GNB1L: variants seen among roughly 807,000 people sequenced by gnomAD.
The protein encoded by GNB1L is G protein subunit beta 1 like, also known as guanine nucleotide-binding protein subunit beta-like protein 1.
GNB1L carries 20 observed loss-of-function variants against 29.1 expected under a neutral mutation model. The ratio of observed to expected loss-of-function variants is 0.69; its 90% CI spans 0.48 to 1.00. GNB1L has a LOEUF of 1.00. Among genes scored for constraint, GNB1L ranks in the 50% least tolerant of loss-of-function variants. GNB1L has a pLI of 0.00. For synonymous variants in GNB1L, 193 were observed against 206.5 expected, an observed-to-expected ratio of 0.93 and a Z score of 0.56; for missense variants, 421 against 464.9, an observed-to-expected ratio of 0.91 and a Z score of 0.87.
intron 2 of GNB1L, chr22:19,850,096 TG>T: frequency 1.0e-6 from 1 of 985,698 alleles, no homozygotes; most frequent in Non-Finnish European, 1.2e-6. Flanking sequence ...CCAGCTTCTT[TG>T]ATCAGACCCT....
At chr22:19,794,155 A>G (rs865905937) in intron 7 of GNB1L, among the ~76,000 whole-genome samples, 13 of 152,090 alleles carry the variant, frequency 8.5e-5, no homozygotes, top group African/African-American at 2.9e-4. Flanking sequence ...TGTAGTCCCA[A>G]CTACTTGGGA....
chr22:19,814,859 T>C (rs936634698), intron 4 of GNB1L, among the ~76,000 whole-genome samples: 2 of 151,992 alleles, frequency 1.3e-5, no homozygotes, highest in Non-Finnish European at 2.9e-5. Flanking sequence ...ATAGTGAGAC[T>C]CCATCTCTAC....
In GNB1L at chr22:19,784,565, G is replaced by A. The variant is rs992934106; in HGVS notation, c.*4144C>T. 6.6e-6 allele frequency: 1 copy of A among 152,514 alleles called. No homozygotes were observed. The highest frequency in any genetic ancestry group is 1.5e-5 in the Non-Finnish European group (1 of 68,254). The allele number at this position is 152,514 out of a possible 1,614,324, so 9.4% of individuals were successfully genotyped here. A position where few individuals can be genotyped will look rare whatever the true frequency, so the allele number is the denominator to read the frequency against. Reference sequence around the variant, plus strand: ...GGACCCTGTTGGCGGCGCAACGCTGGGTGAGTGCTGCCCGCCCGCGGATGG... The same window carrying A: ...GGACCCTGTTGGCGGCGCAACGCTGAGTGAGTGCTGCCCGCCCGCGGATGG... On this transcript the variant is annotated 3_prime_UTR_variant, in exon 8 of 8. Coordinates refer to ENST00000329517, the MANE Select transcript of GNB1L (RefSeq NM_053004.3).
intron 2 of GNB1L, among the ~76,000 whole-genome samples, chr22:19,830,688 T>C (rs1419516651): frequency 6.6e-6 from 1 of 152,156 alleles, no homozygotes; most frequent in African/African-American, 2.4e-5. Context: ...GTTAGAGAAG[T>C]TGATATTAAC....
chr22:19,842,938 C>T lies in GNB1L; in HGVS notation c.-21+11505G>A, dbSNP rs527964013. ...GTCCTGAGCACGGGAAACAGGTCTA[C>T]CAGCACTAACTCAAACTTCACAAAG... On this transcript the variant is annotated intron_variant, in intron 2 of 7. Coordinates refer to ENST00000329517, the MANE Select transcript of GNB1L (RefSeq NM_053004.3). Among the ~76,000 whole-genome samples, 34 of 152,358 alleles carry T rather than the reference C, an allele frequency of 2.2e-4. No individual in the cohort carries two copies. The South Asian group carries it at 6.0e-3, about 27-fold the overall frequency.
Position 19,788,688 on chromosome 22 carries a change from C to G in GNB1L, c.*21G>C, listed in dbSNP as rs1184404214. ...ACCTCCCTGCCCGCCCTCCTCGTCTCCCGGGAAGGGAGTGGGTGAGTCATG... is the reference window on the plus strand; with the variant it reads ...ACCTCCCTGCCCGCCCTCCTCGTCTGCCGGGAAGGGAGTGGGTGAGTCATG... On this transcript the variant is annotated 3_prime_UTR_variant, in exon 8 of 8. Transcript: ENST00000329517. The G allele has an allele frequency of 1.2e-6, 2 of 1,611,930 alleles. No homozygotes were observed. The highest frequency in any genetic ancestry group is 1.7e-6 in the Non-Finnish European group (2 of 1,179,354).
chr22:19,849,829 C>T, intron 2 of GNB1L: 1 of 985,414 alleles, frequency 1.0e-6, no homozygotes. Context: ...ACTTCTTGTC[C>T]AAGCACCAGA....
intron 2 of GNB1L, among the ~76,000 whole-genome samples, chr22:19,845,439 G>C (rs943510386): frequency 6.6e-6 from 1 of 152,202 alleles, no homozygotes; most frequent in African/African-American, 2.4e-5. Context: ...GAGGTGAGGT[G>C]GGCAGCGCAG....
At chr22:19,844,453 G>A (rs1288450427) in intron 2 of GNB1L, among the ~76,000 whole-genome samples, 1 of 152,242 alleles carries the variant, frequency 6.6e-6, no homozygotes, top group Non-Finnish European at 1.5e-5. Context: ...CCTCATGGCT[G>A]GGGCATGAGG....
At chr22:19,838,140 G>C (rs1274364774) in intron 2 of GNB1L, among the ~76,000 whole-genome samples, 1 of 152,214 alleles carries the variant, frequency 6.6e-6, no homozygotes, top group Non-Finnish European at 1.5e-5. Context: ...ATCTATTTTT[G>C]TGCTCATTAA....
At chr22:19,817,824 C>T (rs1199160734) in intron 4 of GNB1L, among the ~76,000 whole-genome samples, 1 of 152,050 alleles carries the variant, frequency 6.6e-6, no homozygotes, top group East Asian at 1.9e-4. Context: ...CTCACTCAGC[C>T]GTAATACAAT....
chr22:19,811,855 T>C (rs565680259), intron 5 of GNB1L, among the ~76,000 whole-genome samples: 25 of 151,840 alleles, frequency 1.6e-4, no homozygotes, highest in Non-Finnish European at 2.8e-4. Flanking sequence ...ACCAGGGACT[T>C]GGTCTCTCTC....
At chr22:19,833,408 A>C (rs1251220137) in intron 2 of GNB1L, among the ~76,000 whole-genome samples, 1 of 152,210 alleles carries the variant, frequency 6.6e-6, no homozygotes, top group Non-Finnish European at 1.5e-5. Context: ...GGGAGATGAC[A>C]GAGTGACATA....
intron 5 of GNB1L, among the ~76,000 whole-genome samples, chr22:19,810,408 A>G (rs962243919): frequency 3.3e-5 from 5 of 151,964 alleles, no homozygotes; most frequent in African/African-American, 1.2e-4. Context: ...CGGTGAGGGC[A>G]GAACCCAGGG....
chr22:19,783,224 C>A lies in GNB1L; in HGVS notation c.*5485G>T. 3.3e-6 allele frequency: 2 copies of A among 606,516 alleles called. No individual in the cohort carries two copies. Among genetic ancestry groups the A allele is most frequent in the Non-Finnish European group, 6.0e-6 (2 of 336,030 alleles). The allele number at this position is 606,516 out of a possible 1,614,324, so 37.6% of individuals were successfully genotyped here. On this transcript the variant is annotated 3_prime_UTR_variant, in exon 8 of 8. Transcript: ENST00000329517. ...TGCCCAGAATGGCTGTTATGCTGCT[C>A]TGTTTGAGGTGGTTTATTAATGTAG...
chr22:19,801,976 G>A (rs1010230380), intron 7 of GNB1L, 25 bp downstream of exon 7: 8 of 1,536,472 alleles, frequency 5.2e-6, no homozygotes, highest in Non-Finnish European at 7.1e-6. Flanking sequence ...CAGGATAAAT[G>A]AGACCCGGGG....
chr22:19,815,326 G>A (rs1327580889), intron 4 of GNB1L, among the ~76,000 whole-genome samples: 3 of 152,186 alleles, frequency 2.0e-5, no homozygotes, highest in African/African-American at 7.2e-5. Flanking sequence ...ATCTCCACTG[G>A]GGTTTTGGAG....
At chr22:19,797,347 G>C (rs188999791) in intron 7 of GNB1L, among the ~76,000 whole-genome samples, 5 of 152,064 alleles carry the variant, frequency 3.3e-5, no homozygotes, top group Admixed American at 6.5e-5. Context: ...ACACGGGAGG[G>C]GGGGTGGGGG....
chr22:19,802,178 A>G lies in GNB1L; in HGVS notation c.555T>C (p.Tyr185=). 1 of 1,613,126 alleles carries G rather than the reference A, an allele frequency of 6.2e-7. No individual in the cohort carries two copies. The highest frequency in any genetic ancestry group is 1.3e-5 in the African/African-American group (1 of 75,058). The part of the protein sequence containing the change: ...CSSRPLLLAG[Y]EDGSVVLWDV... ...CCCACAGGACCACCGATCCATCCTC[A>G]TAGCCGGCCAGAAGGAGTGGGCGGG... Residue 185 remains tyrosine, a synonymous_variant, in exon 7 of 8, where the codon TAT becomes TAC. Coordinates refer to ENST00000329517, the MANE Select transcript of GNB1L (RefSeq NM_053004.3).
Sources: allele counts gnomAD v4.1 joint callset (sites outside exome capture counted in the v4.1 genomes callset), GRCh38; gene constraint gnomAD v4.1.1; transcripts MANE v1.5; gene names NCBI Gene and HGNC (gene_info 2026-07-23, HGNC 2026-07-21).